CNR2: variants seen among roughly 807,000 people sequenced by gnomAD.
CNR2 encodes cannabinoid receptor 2 (macrophage).
For missense variants in CNR2, 379 were observed against 439.9 expected (o/e 0.86, Z 1.24); for synonymous variants, 172 against 182.2 (o/e 0.94, Z 0.45).
chr1:23,893,710 C>T (rs1324828351), intron 1 of CNR2, among the ~76,000 whole-genome samples: 2 of 152,198 alleles, frequency 1.3e-5, no homozygotes, highest in Admixed American at 1.3e-4. Flanking sequence ...ACGATGAGTG[C>T]TTGGCACTGT....
chr1:23,880,836 C>T (rs1235458385), intron 1 of CNR2, among the ~76,000 whole-genome samples: 1 of 150,242 alleles, frequency 6.7e-6, no homozygotes, highest in Non-Finnish European at 1.5e-5. Context: ...AGATGTGAGC[C>T]ACCACACCCA....
Position 23,877,807 on chromosome 1 carries a change from A to G in CNR2, c.-45-2145T>C, listed in dbSNP as rs1283333005. On this transcript the variant is annotated intron_variant, in intron 1 of 1. Transcript: ENST00000374472. ...GAAACCCTGTCTCTACTAAAAATAC[A>G]AAAATTAGCCGGGCACGATGGTGGA... Among the ~76,000 whole-genome samples, 7 of 151,844 alleles carry G rather than the reference A, an allele frequency of 4.6e-5. No individual in the cohort carries two copies. In the South Asian group the frequency reaches 1.2e-3, roughly 27 times the overall value.
At chr1:23,902,660 CG>C in intron 1 of CNR2, 1 of 1,595,538 alleles carries the variant, frequency 6.3e-7, no homozygotes, top group Non-Finnish European at 8.5e-7. Context: ...TGGTCGCCCC[CG>C]GGGGTCCCAC....
intron 1 of CNR2, among the ~76,000 whole-genome samples, chr1:23,909,685 A>T (rs1004154117): frequency 1.3e-5 from 2 of 152,052 alleles, no homozygotes; most frequent in East Asian, 3.9e-4. Flanking sequence ...AGCCGGCCAT[A>T]TTCATATGAT....
chr1:23,875,536 G>A lies in CNR2; in HGVS notation c.82C>T (p.Leu28=). Residue 28 remains leucine, a synonymous_variant, in exon 2 of 2, where the codon CTG becomes TTG. Transcript: ENST00000374472. ...DSNPMKDYMI[L]SGPQKTAVAV... ...ACAGCTGTCTTCTGGGGACCACTCAGGATCATGTAATCCTTCATAGGGTTG... is the reference window on the plus strand; with the variant it reads ...ACAGCTGTCTTCTGGGGACCACTCAAGATCATGTAATCCTTCATAGGGTTG... The A allele has an allele frequency of 6.2e-7, 1 of 1,614,104 alleles. No individual in the cohort carries two copies.
intron 1 of CNR2, among the ~76,000 whole-genome samples, chr1:23,881,663 C>A (rs940141364): frequency 1.3e-5 from 2 of 150,976 alleles, no homozygotes; most frequent in Non-Finnish European, 3.0e-5. Context: ...CCGAGGCGGG[C>A]GGATCACCTG....
chr1:23,875,208 T>C lies in CNR2; in HGVS notation c.410A>G (p.Tyr137Cys), dbSNP rs757932522. The change falls in exon 2 of 2, where the codon TAT (tyrosine) becomes TGT (cysteine). Residue 137 changes from tyrosine (Y) to cysteine (C), a missense_variant. Coordinates refer to ENST00000374472, the MANE Select transcript of CNR2 (RefSeq NM_001841.3). ...GAGCAGAGCTTTGTAGGAAGGTGGATAGCGCAGGCAGAGGTATCGGTCAAT... is the reference window on the plus strand; with the variant it reads ...GAGCAGAGCTTTGTAGGAAGGTGGACAGCGCAGGCAGAGGTATCGGTCAAT... Reference protein sequence around the residue: ...TAIDRYLCLRYPPSYKALLTR... With the variant: ...TAIDRYLCLRCPPSYKALLTR... 5.0e-6 allele frequency: 8 copies of C among 1,614,050 alleles called. No individual in the cohort carries two copies. The Admixed American group carries it at 5.0e-5, about 10-fold the overall frequency.
At chr1:23,913,033 A>G (rs1357367979) in intron 1 of CNR2, among the ~76,000 whole-genome samples, 10 of 152,070 alleles carry the variant, frequency 6.6e-5, no homozygotes, top group South Asian at 2.1e-4. Context: ...CAGACGCAGT[A>G]GTGCACACCT....
intron 1 of CNR2, among the ~76,000 whole-genome samples, chr1:23,890,624 A>C (rs1413934012): frequency 1.1e-4 from 17 of 151,936 alleles, no homozygotes; most frequent in Non-Finnish European, 2.2e-4. Flanking sequence ...GCACTCTTGT[A>C]ATCCCAGCTA....
chr1:23,894,236 C>T (rs1640237974), intron 1 of CNR2, among the ~76,000 whole-genome samples: 1 of 151,248 alleles, frequency 6.6e-6, no homozygotes, highest in African/African-American at 2.4e-5. Context: ...GCCTGACCAA[C>T]ATGGTGAAAC....
At chr1:23,892,585 G>T in intron 1 of CNR2, among the ~76,000 whole-genome samples, 1 of 152,200 alleles carries the variant, frequency 6.6e-6, no homozygotes, top group East Asian at 1.9e-4. Context: ...AGAGCTCAAT[G>T]CAGTGTGGAA....
chr1:23,905,410 C>T (rs886111614), intron 1 of CNR2, among the ~76,000 whole-genome samples: 1 of 151,560 alleles, frequency 6.6e-6, no homozygotes, highest in Non-Finnish European at 1.5e-5. Flanking sequence ...AAACTCCTGA[C>T]CTCAGGTGAT....
chr1:23,906,179 C>T (rs1002901026), intron 1 of CNR2, among the ~76,000 whole-genome samples: 2 of 152,086 alleles, frequency 1.3e-5, no homozygotes, highest in African/African-American at 4.8e-5. Flanking sequence ...TGTCTTCCCC[C>T]CTCAGACTCT....
chr1:23,876,633 A>C (rs1005071884), intron 1 of CNR2, among the ~76,000 whole-genome samples: 2 of 152,026 alleles, frequency 1.3e-5, no homozygotes, highest in Admixed American at 1.3e-4. Flanking sequence ...CAGGAGATCG[A>C]GAACATCCTG....
At position 23,875,876 on chromosome 1, in the gene CNR2, CA is replaced by C. The variant is rs1191637275; in HGVS notation, c.-45-215del. On this transcript the variant is annotated intron_variant, in intron 1 of 1. Coordinates refer to ENST00000374472, the MANE Select transcript of CNR2 (RefSeq NM_001841.3). ...GCCTCAGGGGAGGTACGTGGGAATG[CA>C]ACAAGCAGAAGTGACTTGTGAGATT... Among the ~76,000 whole-genome samples the C allele has an allele frequency of 2.6e-5, 4 of 152,118 alleles. No homozygotes were observed. The East Asian group carries it at 7.8e-4, about 30-fold the overall frequency.
At chr1:23,899,313 A>T (rs182543200) in intron 1 of CNR2, among the ~76,000 whole-genome samples, 7 of 152,294 alleles carry the variant, frequency 4.6e-5, no homozygotes, top group Admixed American at 4.6e-4. Flanking sequence ...TTGCAAAATT[A>T]TGACTGAGAC....
Position 23,872,822 on chromosome 1 carries a change from T to C in CNR2, c.*1713A>G, listed in dbSNP as rs1227092445. The C allele has an allele frequency of 6.6e-6, 1 of 152,214 alleles. No individual in the cohort carries two copies. Among genetic ancestry groups the C allele is most frequent in the East Asian group, 1.9e-4 (1 of 5,198 alleles). 9.4% of individuals were successfully genotyped at this position (152,214 alleles called of 1,614,324 possible). On this transcript the variant is annotated 3_prime_UTR_variant, in exon 2 of 2. Coordinates refer to ENST00000374472, the MANE Select transcript of CNR2 (RefSeq NM_001841.3). Reference sequence around the variant, plus strand: ...CTATCCTACCGTTTATTGAGTTAACTCAATTAATCCCTATTACATGACATG... The same window carrying C: ...CTATCCTACCGTTTATTGAGTTAACCCAATTAATCCCTATTACATGACATG...
rs866828410 is a variant in CNR2 at position 23,898,343 on chromosome 1, T to C, written c.-46+14903A>G. 7.7e-4 allele frequency among the ~76,000 whole-genome samples: 86 copies of C among 111,232 alleles called. 8 individuals are homozygous for C. Among genetic ancestry groups the C allele is most frequent in the East Asian group, 2.4e-3 (9 of 3,720 alleles). 73.0% of individuals were successfully genotyped at this position (111,232 alleles called of 152,430 possible). ...TGAGCCACCGCGCCCGGCTTTTTTT[T>C]TTTTTTTTTTTTTTTTGAGATGGAG... On this transcript the variant is annotated intron_variant, in intron 1 of 1. Coordinates refer to ENST00000374472, the MANE Select transcript of CNR2 (RefSeq NM_001841.3).
intron 1 of CNR2, among the ~76,000 whole-genome samples, chr1:23,896,884 T>TTG (rs1640295562): frequency 6.7e-6 from 1 of 150,030 alleles, no homozygotes; most frequent in South Asian, 2.1e-4. Flanking sequence ...CAGGAGTGTT[T>TTG]TTTTTTTTTT....
Sources: allele counts gnomAD v4.1 joint callset (sites outside exome capture counted in the v4.1 genomes callset), GRCh38; gene constraint gnomAD v4.1.1; transcripts MANE v1.5; gene names NCBI Gene and HGNC (gene_info 2026-07-23, HGNC 2026-07-21).